ZNF536: variants seen among roughly 807,000 people sequenced by gnomAD.
ZNF536 encodes zinc finger protein 536.
In ZNF536, 13 loss-of-function variants were observed where a neutral mutation model predicts 84.5. The ratio of observed to expected loss-of-function variants is 0.15; its 90% CI spans 0.10 to 0.24. ZNF536 has a LOEUF of 0.24. Among genes scored for constraint, ZNF536 ranks in the 10% least tolerant of loss-of-function variants. The pLI is 1.00. For synonymous variants in ZNF536, 811 were observed against 742.5 expected (o/e 1.09, Z -1.50); for missense variants, 1,536 against 1,747.5 (o/e 0.88, Z 2.16).
chr19:30,314,245 C>G (rs1219439385), intron 2 of ZNF536, among the ~76,000 whole-genome samples: 1 of 152,130 alleles, frequency 6.6e-6, no homozygotes, highest in Non-Finnish European at 1.5e-5. Context: ...GCAGGTGCAC[C>G]ATGGTGTCCC....
chr19:30,303,063 TG>T (rs2046237579), intron 2 of ZNF536, among the ~76,000 whole-genome samples: 1 of 152,372 alleles, frequency 6.6e-6, no homozygotes, highest in East Asian at 1.9e-4. Flanking sequence ...TTGGTGGTTC[TG>T]GCTCAATGGA....
At chr19:30,233,498 C>T (rs963383457) in intron 1 of ZNF536, among the ~76,000 whole-genome samples, 8 of 152,128 alleles carry the variant, frequency 5.3e-5, no homozygotes, top group Middle Eastern at 3.4e-3. Context: ...CATACCACCA[C>T]ACCTAGGTAG....
chr19:30,575,282 C>T (rs771199596), intron 1 of ZNF536, among the ~76,000 whole-genome samples: 2 of 152,146 alleles, frequency 1.3e-5, no homozygotes, highest in African/African-American at 2.4e-5. Context: ...TATGCCCCGC[C>T]GGGCACTTCC....
intron 2 of ZNF536, among the ~76,000 whole-genome samples, chr19:30,502,521 G>A (rs898714000): frequency 2.6e-5 from 4 of 152,164 alleles, no homozygotes; most frequent in African/African-American, 9.7e-5. Flanking sequence ...TGTGGCTGGA[G>A]ACTCTGGGGA....
chr19:30,669,527 GA>G (rs982527474), intron 1 of ZNF536, among the ~76,000 whole-genome samples: 2 of 152,220 alleles, frequency 1.3e-5, no homozygotes, highest in Non-Finnish European at 2.9e-5. Context: ...CAGGCAGGCG[GA>G]GGGGTCCCTT....
chr19:30,381,544 C>T (rs2049022631), intron 1 of ZNF536, among the ~76,000 whole-genome samples: 1 of 152,104 alleles, frequency 6.6e-6, no homozygotes, highest in African/African-American at 2.4e-5. Flanking sequence ...GCACAGGTCC[C>T]AAGGAAGGAA....
chr19:30,632,404 G>A (rs1429818047), intron 1 of ZNF536, among the ~76,000 whole-genome samples: 1 of 152,120 alleles, frequency 6.6e-6, no homozygotes, highest in East Asian at 1.9e-4. Context: ...TCTGGAGTTC[G>A]AGATCAGTCT....
chr19:30,402,822 T>TATATATATATAA (rs1331644147), intron 1 of ZNF536, among the ~76,000 whole-genome samples: 1 of 142,552 alleles, frequency 7.0e-6, no homozygotes, highest in Non-Finnish European at 1.6e-5. Flanking sequence ...TATATATATA[T>TATATATATATAA]AATTTTCAAA....
At chr19:30,637,198 G>A (rs1289260383) in intron 1 of ZNF536, among the ~76,000 whole-genome samples, 1 of 152,170 alleles carries the variant, frequency 6.6e-6, no homozygotes, top group African/African-American at 2.4e-5. Flanking sequence ...TATTCTTCAT[G>A]TCTTCCAGCA....
At chr19:30,656,664 C>T (rs1429689076) in intron 1 of ZNF536, among the ~76,000 whole-genome samples, 1 of 152,226 alleles carries the variant, frequency 6.6e-6, no homozygotes, top group Non-Finnish European at 1.5e-5. Context: ...TGACACCTCA[C>T]TGTCTACTTT....
At chr19:30,287,904 G>C (rs1487747002) in intron 2 of ZNF536, among the ~76,000 whole-genome samples, 7 of 152,188 alleles carry the variant, frequency 4.6e-5, no homozygotes, top group Non-Finnish European at 1.5e-5. Flanking sequence ...TGGGCTCATT[G>C]ATCCAAATGA....
chr19:30,403,994 ATT>A (rs2050157968), intron 1 of ZNF536, among the ~76,000 whole-genome samples: 1 of 117,784 alleles, frequency 8.5e-6, no homozygotes, highest in Non-Finnish European at 1.9e-5. Context: ...TCCCCTCTAC[ATT>A]TTTTTCTTTC....
At chr19:30,414,342 T>C (rs1446237536) in intron 1 of ZNF536, among the ~76,000 whole-genome samples, 6 of 152,192 alleles carry the variant, frequency 3.9e-5, no homozygotes, top group African/African-American at 1.4e-4. Context: ...TTTTTATACA[T>C]GATTTTAACC....
intron 1 of ZNF536, among the ~76,000 whole-genome samples, chr19:30,566,015 A>C (rs1248211043): frequency 6.6e-6 from 1 of 152,228 alleles, no homozygotes; most frequent in Non-Finnish European, 1.5e-5. Context: ...AAACAGAAAA[A>C]AACAAAGTAA....
chr19:30,612,522 A>G (rs1411335464), intron 1 of ZNF536, among the ~76,000 whole-genome samples: 2 of 152,184 alleles, frequency 1.3e-5, no homozygotes, highest in African/African-American at 4.8e-5. Context: ...ATGAGGCTGA[A>G]CCAGTCCCAG....
chr19:30,271,878 C>T lies in ZNF536; in HGVS notation c.-189-12194C>T, dbSNP rs547153415. On this transcript the variant is annotated intron_variant, in intron 1 of 5. Transcript: ENST00000585628. ...TCTCCTCCAGAGACACAAGTCCGTG[C>T]GTTTTGTGAATTAAAACAACAAGAA... Among the ~76,000 whole-genome samples, 8 of 152,108 alleles carry T rather than the reference C, an allele frequency of 5.3e-5. No individual in the cohort carries two copies. In the East Asian group the frequency reaches 5.8e-4, roughly 11 times the overall value.
At chr19:30,447,995 C>T (rs116884320) in intron 2 of ZNF536, among the ~76,000 whole-genome samples, 1,726 of 152,258 alleles carry the variant, frequency 0.011, 12 homozygotes, top group Non-Finnish European at 0.016. Flanking sequence ...TGTTGCTTGC[C>T]TATCTCTCAG....
At chr19:30,269,961 T>G (rs951263960) in intron 1 of ZNF536, among the ~76,000 whole-genome samples, 34 of 152,210 alleles carry the variant, frequency 2.2e-4, no homozygotes, top group African/African-American at 7.5e-4. Flanking sequence ...TTGGTTGTGA[T>G]CACCTTTATA....
chr19:30,356,377 G>A (rs1428927035), intron 3 of ZNF536, among the ~76,000 whole-genome samples: 1 of 152,230 alleles, frequency 6.6e-6, no homozygotes, highest in Non-Finnish European at 1.5e-5. Flanking sequence ...TCCTGCGGTG[G>A]GCTGGGCTGT....
Sources: allele counts gnomAD v4.1 joint callset (sites outside exome capture counted in the v4.1 genomes callset), GRCh38; gene constraint gnomAD v4.1.1; transcripts MANE v1.5; gene names NCBI Gene and HGNC (gene_info 2026-07-23, HGNC 2026-07-21).